ABR: variants seen among roughly 807,000 people sequenced by gnomAD.
ABR encodes the protein active breakpoint cluster region-related protein.
A neutral mutation model predicts 107.2 loss-of-function variants in ABR; 35 were observed. That is an observed-to-expected ratio of 0.33 (90% CI 0.25 to 0.43). The LOEUF (loss-of-function observed/expected upper bound fraction) is 0.43. Among genes scored for constraint, ABR ranks in the 20% least tolerant of loss-of-function variants. The pLI is 1.00. For missense variants in ABR, 815 were observed against 1,115.2 expected, an observed-to-expected ratio of 0.73 and a Z score of 3.83; for synonymous variants, 498 against 462.0, an observed-to-expected ratio of 1.08 and a Z score of -1.00.
intron 10 of ABR, among the ~76,000 whole-genome samples, chr17:1,062,058 A>G (rs2034011846): frequency 6.6e-6 from 1 of 152,190 alleles, no homozygotes; most frequent in African/African-American, 2.4e-5. Flanking sequence ...TGGGTGTCAG[A>G]GAAGCTTCCC....
chr17:1,076,020 C>T (rs879942562), intron 6 of ABR, among the ~76,000 whole-genome samples: 8 of 152,254 alleles, frequency 5.3e-5, no homozygotes, highest in Middle Eastern at 3.4e-3. Context: ...CCAGCCTGGG[C>T]GACACAGTGA....
At chr17:1,206,050 C>T (rs932715319) in intron 1 of ABR, among the ~76,000 whole-genome samples, 14 of 152,094 alleles carry the variant, frequency 9.2e-5, no homozygotes, top group African/African-American at 3.1e-4. Context: ...CAGGAGGTGG[C>T]GGTTGCAGTG....
chr17:1,158,753 A>G (rs1216735301), intron 1 of ABR, among the ~76,000 whole-genome samples: 1 of 150,982 alleles, frequency 6.6e-6, no homozygotes, highest in Non-Finnish European at 1.5e-5. Flanking sequence ...ACAGAGCAAG[A>G]CTCTGTCTTA....
At chr17:1,191,034 C>T (rs181115295), upstream of ABR, among the ~76,000 whole-genome samples, 132 of 152,330 alleles carry the variant, frequency 8.7e-4, no homozygotes, top group African/African-American at 2.9e-3. Context: ...TTGCGCTGGG[C>T]CATGGTAACC....
At chr17:1,064,545 T>C (rs374182964) in intron 10 of ABR, among the ~76,000 whole-genome samples, 15 of 111,100 alleles carry the variant, frequency 1.4e-4, no homozygotes, top group East Asian at 2.8e-4. Flanking sequence ...ACTGTTGTTA[T>C]GTGAACTGAG....
At chr17:1,160,823 T>G (rs948678875) in intron 1 of ABR, among the ~76,000 whole-genome samples, 1 of 152,182 alleles carries the variant, frequency 6.6e-6, no homozygotes, top group African/African-American at 2.4e-5. Context: ...CTACCGTGAA[T>G]TATTAACACT....
chr17:1,144,160 C>T (rs996876838), intron 1 of ABR, among the ~76,000 whole-genome samples: 2 of 152,162 alleles, frequency 1.3e-5, no homozygotes, highest in Non-Finnish European at 2.9e-5. Context: ...TAAAATTCCT[C>T]ATCTCTCTGT....
rs1188150806 is a variant in ABR, at chr17:1,136,509, G to A, written c.62-11142C>T. Among the ~76,000 whole-genome samples, 4 of 152,198 alleles carry A rather than the reference G, an allele frequency of 2.6e-5. No homozygotes were observed. The East Asian group carries it at 5.8e-4, about 22-fold the overall frequency. ...CTCCCACAGTGCTGGGATTACAGGC[G>A]TGAGCCACCGCGCCTGGCCAAAAAT... On this transcript the variant is annotated intron_variant, in intron 1 of 22. Transcript: ENST00000302538.
chr17:1,039,494 T>G (rs2248066), intron 16 of ABR: 74,434 of 152,106 alleles, frequency 0.49, 18,458 homozygotes, highest in Admixed American at 0.59. Flanking sequence ...CCCAGGACAG[T>G]CTCTGCTGCC....
intron 1 of ABR, among the ~76,000 whole-genome samples, chr17:1,143,673 A>AT (rs2040411310): frequency 6.6e-6 from 1 of 152,076 alleles, no homozygotes; most frequent in Admixed American, 6.5e-5. Flanking sequence ...AAATCCAATC[A>AT]TCCACCTCCA....
At chr17:1,067,659 T>G (rs1159779696) in intron 9 of ABR, among the ~76,000 whole-genome samples, 1 of 152,244 alleles carries the variant, frequency 6.6e-6, no homozygotes, top group Admixed American at 6.5e-5. Flanking sequence ...TTATTCCAAA[T>G]GCCACCTCTT....
intron 16 of ABR, among the ~76,000 whole-genome samples, chr17:1,025,240 G>A (rs183035752): frequency 5.3e-5 from 8 of 152,094 alleles, no homozygotes; most frequent in African/African-American, 7.2e-5. Context: ...AGGCTGCAGC[G>A]AGCCGAGATC....
chr17:1,110,124 G>T (rs1209029843), intron 2 of ABR, among the ~76,000 whole-genome samples: 1 of 151,350 alleles, frequency 6.6e-6, no homozygotes, highest in East Asian at 2.0e-4. Flanking sequence ...CCCAGGACAG[G>T]CACCATCTCC....
At chr17:1,030,411 G>T (rs1414386693) in intron 16 of ABR, among the ~76,000 whole-genome samples, 4 of 152,228 alleles carry the variant, frequency 2.6e-5, no homozygotes, top group African/African-American at 9.6e-5. Context: ...GCTGGGGAGG[G>T]GATGAGTCCA....
chr17:1,096,599 C>G (rs2037443005), intron 3 of ABR, among the ~76,000 whole-genome samples: 1 of 152,194 alleles, frequency 6.6e-6, no homozygotes, highest in Admixed American at 6.5e-5. Context: ...ACCTGGCCTC[C>G]CAGCGAGTTC....
At chr17:1,229,351 C>G (rs564109934) in exon 1 of ABR, among the ~76,000 whole-genome samples, 1,525 of 148,190 alleles carry the variant, frequency 0.01, 22 homozygotes, top group African/African-American at 0.035. Flanking sequence ...GACTCGGCCT[C>G]GGGGTCGGGG....
At chr17:1,101,829 G>A (rs1445513628) in intron 2 of ABR, among the ~76,000 whole-genome samples, 3 of 151,630 alleles carry the variant, frequency 2.0e-5, no homozygotes, top group Admixed American at 1.3e-4. Flanking sequence ...CGCCTCCCGG[G>A]TTCACGCCAT....
chr17:1,038,511 G>T (rs111477506), intron 16 of ABR, among the ~76,000 whole-genome samples: 4 of 152,316 alleles, frequency 2.6e-5, no homozygotes, highest in Admixed American at 2.6e-4. Context: ...GTCTCCAGCC[G>T]CGCTAGGGTC....
chr17:1,155,259 A>G (rs1285295567), intron 1 of ABR, among the ~76,000 whole-genome samples: 2 of 152,142 alleles, frequency 1.3e-5, no homozygotes, highest in Admixed American at 6.5e-5. Flanking sequence ...GAACCCACAT[A>G]TCTATGGTCG....
Sources: gnomAD v4.1 joint callset for allele counts (sites outside exome capture counted in the v4.1 genomes callset) on GRCh38, gnomAD v4.1.1 for gene constraint, MANE v1.5 for transcripts, NCBI Gene and HGNC (gene_info 2026-07-23, HGNC 2026-07-21) for gene names.